TMEM131: variants seen among roughly 807,000 people sequenced by gnomAD.
The protein encoded by TMEM131 is 2610524E03Rik.
TMEM131 carries 66 observed loss-of-function variants against 211.6 expected under a neutral mutation model. That is an observed-to-expected ratio of 0.31 (90% CI 0.26 to 0.38). The LOEUF is 0.38. Ranked by LOEUF, TMEM131 falls within the 10% of genes least tolerant of loss-of-function variation. The pLI, the probability that TMEM131 is intolerant of heterozygous loss-of-function variation, is 1.00. For missense variants in TMEM131, 2,036 were observed against 2,299.3 expected (o/e 0.89, Z 2.34); for synonymous variants, 844 against 841.3 (o/e 1.00, Z -0.06).
At chr2:97,911,212 T>A (rs1676278088) in intron 2 of TMEM131, among the ~76,000 whole-genome samples, 1 of 152,214 alleles carries the variant, frequency 6.6e-6, no homozygotes, top group South Asian at 2.1e-4. Flanking sequence ...ACATTCTGTA[T>A]GACTCCATTT....
intron 2 of TMEM131, among the ~76,000 whole-genome samples, chr2:97,919,004 G>T (rs1340936625): frequency 6.6e-6 from 1 of 152,190 alleles, no homozygotes; most frequent in Non-Finnish European, 1.5e-5. Flanking sequence ...GCTCAGCTGG[G>T]ACTGCTGACC....
At position 97,757,007 on chromosome 2, in the gene TMEM131, A is replaced by T; in HGVS notation, c.*92T>A. ...CAAAGAAGAGGAGGGTGGGGAGGGGAGCTGCAGTAAGAGCCTTAAAAAGAT... is the reference window on the plus strand; with the variant it reads ...CAAAGAAGAGGAGGGTGGGGAGGGGTGCTGCAGTAAGAGCCTTAAAAAGAT... On this transcript the variant is annotated 3_prime_UTR_variant, in exon 41 of 41. Transcript: ENST00000186436. The T allele has an allele frequency of 7.0e-7, 1 of 1,420,338 alleles. No homozygotes were observed. Among genetic ancestry groups the T allele is most frequent in the Non-Finnish European group, 9.3e-7 (1 of 1,073,564 alleles). The allele number at this position is 1,420,338 out of a possible 1,614,324, so 88.0% of individuals were successfully genotyped here.
chr2:97,945,069 T>A (rs371622065), intron 1 of TMEM131, among the ~76,000 whole-genome samples: 2 of 152,308 alleles, frequency 1.3e-5, no homozygotes, highest in African/African-American at 4.8e-5. Flanking sequence ...AACCTAAATG[T>A]CCACTGACTA....
At chr2:97,972,501 C>T (rs982780102) in intron 1 of TMEM131, among the ~76,000 whole-genome samples, 5 of 150,352 alleles carry the variant, frequency 3.3e-5, no homozygotes, top group South Asian at 2.1e-4. Flanking sequence ...GGCAGGCAGG[C>T]GGGCAGGCAG....
chr2:97,965,468 G>A (rs1186703622), intron 1 of TMEM131, among the ~76,000 whole-genome samples: 2 of 152,230 alleles, frequency 1.3e-5, no homozygotes, highest in South Asian at 2.1e-4. Flanking sequence ...CGCTGGACTC[G>A]GGGTACCCGC....
intron 39 of TMEM131, 178 bp from the exon 40 acceptor site, chr2:97,759,231 C>T (rs775723904): frequency 2.7e-5 from 19 of 706,488 alleles, no homozygotes; most frequent in Middle Eastern, 2.9e-4. Context: ...AGAACTCAAA[C>T]GCATAGTGCA....
chr2:97,759,092 T>C (rs750305014), intron 39 of TMEM131, 39 bp from the exon 40 acceptor site: 4 of 1,613,334 alleles, frequency 2.5e-6, no homozygotes, highest in Non-Finnish European at 3.4e-6. Context: ...CATATTTGGT[T>C]TTGCCATGAT....
intron 4 of TMEM131, among the ~76,000 whole-genome samples, chr2:97,885,027 C>T (rs181266710): frequency 7.2e-5 from 11 of 152,266 alleles, no homozygotes; most frequent in East Asian, 3.9e-4. Context: ...CACATTGATA[C>T]GGTTTGATTC....
chr2:97,925,369 T>C (rs540138869), intron 2 of TMEM131, among the ~76,000 whole-genome samples: 2 of 152,214 alleles, frequency 1.3e-5, no homozygotes, highest in Non-Finnish European at 2.9e-5. Flanking sequence ...CCTGTGGTTA[T>C]GGCCTTAATG....
At chr2:97,957,000 G>A (rs1420085615) in intron 1 of TMEM131, among the ~76,000 whole-genome samples, 1 of 151,978 alleles carries the variant, frequency 6.6e-6, no homozygotes, top group African/African-American at 2.4e-5. Flanking sequence ...AGGAGGCAGA[G>A]GCAGGAGAAT....
intron 38 of TMEM131, 72 bp from the exon 39 acceptor site, chr2:97,759,821 C>T: frequency 9.3e-7 from 1 of 1,073,298 alleles, no homozygotes; most frequent in Non-Finnish European, 1.4e-6. Context: ...CCATAGTGCA[C>T]AGCTTCACAA....
intron 4 of TMEM131, among the ~76,000 whole-genome samples, chr2:97,867,150 A>G (rs1229251722): frequency 6.6e-6 from 1 of 152,240 alleles, no homozygotes; most frequent in African/African-American, 2.4e-5. Flanking sequence ...CCTGAGCTGA[A>G]TAAGTATTCT....
chr2:97,908,521 G>T, intron 3 of TMEM131, 137 bp downstream of exon 3: 1 of 626,602 alleles, frequency 1.6e-6, no homozygotes, highest in Non-Finnish European at 2.8e-6. Context: ...ACAACACTTA[G>T]AAATAATCAT....
intron 1 of TMEM131, among the ~76,000 whole-genome samples, chr2:97,940,565 T>G (rs1443789322): frequency 6.6e-6 from 1 of 152,038 alleles, no homozygotes; most frequent in East Asian, 1.9e-4. Context: ...TCCCAGCACT[T>G]TGGGAGGCCA....
At position 97,872,637 on chromosome 2, in the gene TMEM131, C is replaced by T. The variant is rs1239161982; in HGVS notation, c.360-13210G>A. Among the ~76,000 whole-genome samples the T allele has an allele frequency of 2.6e-5, 4 of 152,154 alleles. No homozygotes were observed. The East Asian group carries it at 7.7e-4, about 29-fold the overall frequency. ...GGGGCATCACCTCATCTGTGAAGCACAAGGGGTCAGGGAATTTTCTCTTCT... is the reference window on the plus strand; with the variant it reads ...GGGGCATCACCTCATCTGTGAAGCATAAGGGGTCAGGGAATTTTCTCTTCT... On this transcript the variant is annotated intron_variant, in intron 4 of 40. Transcript: ENST00000186436.
chr2:97,982,722 G>A (rs575416745), intron 1 of TMEM131, among the ~76,000 whole-genome samples: 1 of 152,244 alleles, frequency 6.6e-6, no homozygotes, highest in South Asian at 2.1e-4. Context: ...ATTTTGAGAT[G>A]GGGAGATTAT....
At position 97,756,888 on chromosome 2, in the gene TMEM131, TA is replaced by T; in HGVS notation, c.*210del. 1.8e-6 allele frequency: 1 copy of T among 542,480 alleles called. No individual in the cohort carries two copies. The highest frequency in any genetic ancestry group is 3.0e-6 in the Non-Finnish European group (1 of 331,020). 33.6% of individuals were successfully genotyped at this position (542,480 alleles called of 1,614,324 possible). On this transcript the variant is annotated 3_prime_UTR_variant, in exon 41 of 41. Transcript: ENST00000186436. The stretch of plus-strand genomic sequence containing the variant: ...TTGTGGCTGAGTCCAGACTTTTCTC[TA>T]AAAGCACAACAGCAAATCTCATGTT...
chr2:97,906,816 T>G (rs1676090651), intron 3 of TMEM131, among the ~76,000 whole-genome samples: 3 of 152,202 alleles, frequency 2.0e-5, no homozygotes, highest in Admixed American at 1.3e-4. Flanking sequence ...AAGCTGTCTT[T>G]GCTGTCCCCT....
At chr2:97,971,804 G>A (rs1427561949) in intron 1 of TMEM131, among the ~76,000 whole-genome samples, 2 of 152,184 alleles carry the variant, frequency 1.3e-5, no homozygotes, top group African/African-American at 4.8e-5. Flanking sequence ...CGAGGCTGCA[G>A]TGAGCTGCCA....
Sources: allele counts gnomAD v4.1 joint callset (sites outside exome capture counted in the v4.1 genomes callset), GRCh38; gene constraint gnomAD v4.1.1; transcripts MANE v1.5; gene names NCBI Gene and HGNC (gene_info 2026-07-23, HGNC 2026-07-21).